The following ZNF285 variants were observed in gnomAD, a reference collection of about 807,000 sequenced individuals.
ZNF285 encodes the protein zinc finger protein 285, also known as zinc finger protein 285A.
In ZNF285, 4 loss-of-function variants were observed where a neutral mutation model predicts 6.2. The ratio of observed to expected loss-of-function variants is 0.65; its 90% CI spans 0.32 to 1.49. The LOEUF (loss-of-function observed/expected upper bound fraction) is 1.49. Ranked by LOEUF, ZNF285 falls within the 40% of genes most tolerant of loss-of-function variation. The pLI is 0.07. For synonymous variants in ZNF285, 240 were observed against 245.8 expected (o/e 0.98, Z 0.22); for missense variants, 695 against 708.8 (o/e 0.98, Z 0.22).
intron 3 of ZNF285, among the ~76,000 whole-genome samples, chr19:44,392,029 A>T (rs1362912613): frequency 6.6e-6 from 1 of 152,082 alleles, no homozygotes; most frequent in African/African-American, 2.4e-5. Context: ...GAATTTTATC[A>T]GTCTCATTCT....
At position 44,392,477 on chromosome 19, in the gene ZNF285, A is replaced by G. The variant is rs1390127165; in HGVS notation, c.16-11T>C. Reference sequence around the variant, plus strand: ...GAATGTCACCCTTTCCTAAAACATCAACCACATGCCACGTCAATCATCCAC... The same window carrying G: ...GAATGTCACCCTTTCCTAAAACATCGACCACATGCCACGTCAATCATCCAC... On this transcript the variant is annotated splice_polypyrimidine_tract_variant and intron_variant, in intron 2 of 3. Coordinates refer to ENST00000614994, the MANE Select transcript of ZNF285 (RefSeq NM_152354.6). 2 of 1,613,866 alleles carry G rather than the reference A, an allele frequency of 1.2e-6. No individual in the cohort carries two copies. Among genetic ancestry groups the G allele is most frequent in the Non-Finnish European group, 1.7e-6 (2 of 1,179,812 alleles).
Position 44,385,755 on chromosome 19 carries a change from T to C in ZNF285, c.*717A>G, listed in dbSNP as rs1338678409. 1 of 152,228 alleles carries C rather than the reference T, an allele frequency of 6.6e-6. No homozygotes were observed. The highest frequency in any genetic ancestry group is 2.4e-5 in the African/African-American group (1 of 41,466). The allele number at this position is 152,228 out of a possible 1,614,324, so 9.4% of individuals were successfully genotyped here. A position where few individuals can be genotyped will look rare whatever the true frequency, so the allele number is the denominator to read the frequency against. ...GGAATAAGCAGCCTCCAAGGTCACC[T>C]TGGCAGGGATAGAGAAGCCTGAGGA... is the stretch of plus-strand genomic sequence containing the variant. On this transcript the variant is annotated 3_prime_UTR_variant, in exon 4 of 4. Coordinates refer to ENST00000614994, the MANE Select transcript of ZNF285 (RefSeq NM_152354.6).
rs1457639030 is a variant in ZNF285 at position 44,384,125 on chromosome 19, T to G, written c.*2347A>C. On this transcript the variant is annotated 3_prime_UTR_variant, in exon 4 of 4. Coordinates refer to ENST00000614994, the MANE Select transcript of ZNF285 (RefSeq NM_152354.6). Reference sequence around the variant, plus strand: ...GGAGTACTGGAGTATGTGGTGGACATGGACAATAACATGTGGACATTTTTA... The same window carrying G: ...GGAGTACTGGAGTATGTGGTGGACAGGGACAATAACATGTGGACATTTTTA... The G allele has an allele frequency of 6.6e-6, 1 of 152,190 alleles. No individual in the cohort carries two copies. Among genetic ancestry groups the G allele is most frequent in the African/African-American group, 2.4e-5 (1 of 41,452 alleles). The allele number at this position is 152,190 out of a possible 1,614,324, so 9.4% of individuals were successfully genotyped here.
At chr19:44,396,806 C>T (rs1357731805) in intron 2 of ZNF285, 1 of 206,176 alleles carries the variant, frequency 4.9e-6, no homozygotes, top group Non-Finnish European at 9.9e-6. Context: ...AATCTTGCTA[C>T]TTATTGAATG....
chr19:44,394,523 C>T, intron 2 of ZNF285: 2 of 562,598 alleles, frequency 3.6e-6, no homozygotes, highest in Admixed American at 3.2e-5. Context: ...AACAAACCTG[C>T]ACATGTATCC....
Position 44,386,044 on chromosome 19 carries a change from G to T in ZNF285, c.*428C>A, listed in dbSNP as rs1599952346. 1.2e-5 allele frequency: 2 copies of T among 168,740 alleles called. No homozygotes were observed. Among genetic ancestry groups the T allele is most frequent in the Admixed American group, 5.4e-5 (1 of 18,406 alleles). 10.5% of individuals were successfully genotyped at this position (168,740 alleles called of 1,614,324 possible). A position where few individuals can be genotyped will look rare whatever the true frequency, so the allele number is the denominator to read the frequency against. On this transcript the variant is annotated 3_prime_UTR_variant, in exon 4 of 4. Coordinates refer to ENST00000614994, the MANE Select transcript of ZNF285 (RefSeq NM_152354.6). Reference sequence around the variant, plus strand: ...AACGTTCTTTCATAGTAAGAGCATGGGTTTCATTTTTGAGCACACTTTTGA... The same window carrying T: ...AACGTTCTTTCATAGTAAGAGCATGTGTTTCATTTTTGAGCACACTTTTGA...
At chr19:44,397,949 C>T (rs1971312332) in intron 1 of ZNF285, among the ~76,000 whole-genome samples, 1 of 151,172 alleles carries the variant, frequency 6.6e-6, no homozygotes, top group African/African-American at 2.4e-5. Flanking sequence ...GGACCTTCTG[C>T]TATTTCCACT....
chr19:44,392,578 T>G (rs772637711), intron 2 of ZNF285, 112 bp from the exon 3 acceptor site: 1 of 1,596,434 alleles, frequency 6.3e-7, no homozygotes, highest in South Asian at 1.1e-5. Context: ...CAAAATAAAC[T>G]TATTTCTTCC....
Position 44,386,704 on chromosome 19 carries a change from C to T in ZNF285, c.1541G>A (p.Cys514Tyr), listed in dbSNP as rs1237502689. ...RDHIREKPYK[C>Y]DECGKGFSRN... Reference sequence around the variant, plus strand: ...GCTGAAGCCTTTACCACACTCATCACATTTATATGGTTTCTCTCTGATGTG... The same window carrying T: ...GCTGAAGCCTTTACCACACTCATCATATTTATATGGTTTCTCTCTGATGTG... Residue 514 changes from cysteine (C) to tyrosine (Y), a missense_variant, in exon 4 of 4, where the codon TGT becomes TAT. Coordinates refer to ENST00000614994, the MANE Select transcript of ZNF285 (RefSeq NM_152354.6). The T allele has an allele frequency of 1.2e-6, 2 of 1,614,186 alleles. No individual in the cohort carries two copies. The highest frequency in any genetic ancestry group is 1.7e-6 in the Non-Finnish European group (2 of 1,180,010).
rs1216482863 is a variant in ZNF285 at position 44,384,663 on chromosome 19, C to T, written c.*1809G>A. 1 of 150,704 alleles carries T rather than the reference C, an allele frequency of 6.6e-6. No individual in the cohort carries two copies. Among genetic ancestry groups the T allele is most frequent in the Non-Finnish European group, 1.5e-5 (1 of 67,696 alleles). 9.3% of individuals were successfully genotyped at this position (150,704 alleles called of 1,614,324 possible). Reference sequence around the variant, plus strand: ...GAAGAAACCTATAAGTCAATTAAAACAAAAAAGGACACTGTTTTTGAAGGA... The same window carrying T: ...GAAGAAACCTATAAGTCAATTAAAATAAAAAAGGACACTGTTTTTGAAGGA... On this transcript the variant is annotated 3_prime_UTR_variant, in exon 4 of 4. Coordinates refer to ENST00000614994, the MANE Select transcript of ZNF285 (RefSeq NM_152354.6).
intron 2 of ZNF285, among the ~76,000 whole-genome samples, chr19:44,393,376 T>A (rs1421802078): frequency 6.6e-6 from 1 of 152,198 alleles, no homozygotes; most frequent in East Asian, 1.9e-4. Flanking sequence ...CGGGTAATCA[T>A]CTGGTATTAA....
Position 44,397,208 on chromosome 19 carries a change from A to G in ZNF285, c.6T>C (p.Ile2=). 1.2e-6 allele frequency: 2 copies of G among 1,613,950 alleles called. No individual in the cohort carries two copies. Among genetic ancestry groups the G allele is most frequent in the Non-Finnish European group, 1.7e-6 (2 of 1,179,866 alleles). ...GAAACCCTTAACTTACCTGGAACTT[A>G]ATCATACCGTCTTCCTTTTGGAAAG... The part of the protein sequence containing the change: M[I]KFQERVTFKD... The change falls in exon 2 of 4, where the codon ATT becomes ATC. Residue 2 remains isoleucine (I), a synonymous_variant. Transcript: ENST00000614994.
chr19:44,397,368 A>C, intron 1 of ZNF285, 112 bp from the exon 2 acceptor site: 2 of 1,274,124 alleles, frequency 1.6e-6, no homozygotes, highest in Non-Finnish European at 2.2e-6. Flanking sequence ...ACTGGATATC[A>C]TCTCTTCTCG....
intron 1 of ZNF285, among the ~76,000 whole-genome samples, chr19:44,401,068 AGGGG>A (rs1971367210): frequency 6.6e-6 from 1 of 152,048 alleles, no homozygotes; most frequent in African/African-American, 2.4e-5. Context: ...CCAAGAACCT[AGGGG>A]TGCTGAGCCA....
chr19:44,391,188 T>C (rs760711357), intron 3 of ZNF285, among the ~76,000 whole-genome samples: 4 of 151,470 alleles, frequency 2.6e-5, no homozygotes, highest in Non-Finnish European at 4.4e-5. Context: ...GCACAAGCTC[T>C]CTTCTCTTGT....
chr19:44,397,104 T>C, intron 2 of ZNF285, 95 bp downstream of exon 2: 2 of 1,569,722 alleles, frequency 1.3e-6, no homozygotes, highest in Non-Finnish European at 1.7e-6. Context: ...TACATAGTAG[T>C]CACTCAAAAA....
intron 3 of ZNF285, 82 bp from the exon 4 acceptor site, chr19:44,388,184 T>A: frequency 1.5e-6 from 2 of 1,328,796 alleles, no homozygotes; most frequent in Non-Finnish European, 2.1e-6. Context: ...TATGATGGGG[T>A]GGGAAGTTGT....
chr19:44,396,315 T>C (rs1971279769), intron 2 of ZNF285, among the ~76,000 whole-genome samples: 1 of 152,142 alleles, frequency 6.6e-6, no homozygotes, highest in Non-Finnish European at 1.5e-5. Flanking sequence ...CCATTTGCTC[T>C]TTTTGTGTAT....
rs535305805 is a variant in ZNF285, at chr19:44,383,714, C to T, written c.*2758G>A. 5 of 152,192 alleles carry T rather than the reference C, an allele frequency of 3.3e-5. No homozygotes were observed. The highest frequency in any genetic ancestry group is 2.1e-4 in the South Asian group (1 of 4,820). 9.4% of individuals were successfully genotyped at this position (152,192 alleles called of 1,614,324 possible). On this transcript the variant is annotated 3_prime_UTR_variant, in exon 4 of 4. Coordinates refer to ENST00000614994, the MANE Select transcript of ZNF285 (RefSeq NM_152354.6). ...ATATTTAGGATAAATTATACATGAG[C>T]GAGTCTGTTACGCTTTTATCAAATC...
Sources: gnomAD v4.1 joint callset for allele counts (sites outside exome capture counted in the v4.1 genomes callset) on GRCh38, gnomAD v4.1.1 for gene constraint, MANE v1.5 for transcripts, NCBI Gene and HGNC (gene_info 2026-07-23, HGNC 2026-07-21) for gene names.